NIBAN3: variants seen among roughly 807,000 people sequenced by gnomAD.
The protein encoded by NIBAN3 is niban apoptosis regulator 3, also known as protein Niban 3.
In NIBAN3, 66 loss-of-function variants were observed where a neutral mutation model predicts 76.4. The observed-to-expected ratio is 0.86, with a 90% CI of 0.71 to 1.06. NIBAN3 has a LOEUF of 1.06. Ranked by LOEUF, NIBAN3 falls within the 50% of genes least tolerant of loss-of-function variation. NIBAN3 has a pLI of 0.00. For missense variants in NIBAN3, 808 were observed against 810.7 expected (o/e 1.00, Z 0.04); for synonymous variants, 360 against 355.2 (o/e 1.01, Z -0.15).
At chr19:17,555,360 G>C (rs958494193), downstream of NIBAN3, among the ~76,000 whole-genome samples, 2 of 152,150 alleles carry the variant, frequency 1.3e-5, no homozygotes, top group African/African-American at 2.4e-5. Context: ...GCACAGCCCG[G>C]GTTTTATACA....
At chr19:17,531,770 G>A (rs1159086902) in intron 2 of NIBAN3, among the ~76,000 whole-genome samples, 1 of 152,148 alleles carries the variant, frequency 6.6e-6, no homozygotes, top group Non-Finnish European at 1.5e-5. Flanking sequence ...CTGACCTCAA[G>A]TGATCTCCCC....
chr19:17,527,373 G>A lies in NIBAN3; in HGVS notation c.33G>A (p.Lys11=), dbSNP rs1437772826. The A allele has an allele frequency of 6.5e-7, 1 of 1,530,318 alleles. No homozygotes were observed. The highest frequency in any genetic ancestry group is 8.8e-7 in the Non-Finnish European group (1 of 1,137,260). 94.8% of individuals were successfully genotyped at this position (1,530,318 alleles called of 1,614,324 possible). A position where few individuals can be genotyped will look rare whatever the true frequency, so the allele number is the denominator to read the frequency against. ...GGCGGCCTTCGAGCCCTCTGGACAA[G>A]CAGCAGCGGCAGCACCTAAGGGGTG... MGGRPSSPLD[K]QQRQHLRGQV... The change falls in exon 1 of 15, where the codon AAG becomes AAA. Residue 11 remains lysine (K), a synonymous_variant. Transcript: ENST00000599164.
At chr19:17,527,118 C>A, upstream of NIBAN3, 1 of 1,172,930 alleles carries the variant, frequency 8.5e-7, no homozygotes, top group Non-Finnish European at 1.2e-6. Context: ...CACAACCTAA[C>A]CCCGGGGCTG....
At chr19:17,555,514 C>A, downstream of NIBAN3, 1 of 357,298 alleles carries the variant, frequency 2.8e-6, no homozygotes, top group Non-Finnish European at 4.4e-6. Context: ...GGTGCGGGGG[C>A]GGGGCGTCCT....
chr19:17,523,552 C>A, upstream of NIBAN3: 1 of 1,092,786 alleles, frequency 9.2e-7, no homozygotes, highest in Non-Finnish European at 1.3e-6. Context: ...AGGCACGGGG[C>A]TGCGAAGTGA....
At chr19:17,551,262 C>CT (rs2076151046) in intron 14 of NIBAN3, among the ~76,000 whole-genome samples, 1 of 142,748 alleles carries the variant, frequency 7.0e-6, no homozygotes, top group African/African-American at 2.6e-5. Context: ...CGCCCGGCTA[C>CT]TTTTGTATTT....
intron 14 of NIBAN3, 115 bp from the exon 15 acceptor site, chr19:17,551,671 A>G (rs2076158755): frequency 1.7e-6 from 1 of 571,716 alleles, no homozygotes; most frequent in South Asian, 2.0e-5. Context: ...GATTACAGGC[A>G]TGAGCCATTG....
intron 10 of NIBAN3, among the ~76,000 whole-genome samples, chr19:17,543,035 G>A (rs1465797116): frequency 1.3e-5 from 2 of 152,314 alleles, no homozygotes; most frequent in East Asian, 3.9e-4. Flanking sequence ...AGTGGAGGAG[G>A]CTGAACTCTG....
chr19:17,532,697 G>A (rs1272004698), intron 3 of NIBAN3, among the ~76,000 whole-genome samples: 1 of 152,164 alleles, frequency 6.6e-6, no homozygotes, highest in African/African-American at 2.4e-5. Flanking sequence ...TGGGGAGCTT[G>A]GAGCGATCAC....
chr19:17,527,132 C>T, upstream of NIBAN3: 2 of 1,328,212 alleles, frequency 1.5e-6, no homozygotes, highest in East Asian at 2.6e-5. Context: ...GGGGCTGTCC[C>T]CGCAGCCTCT....
chr19:17,533,519 G>A, intron 3 of NIBAN3, 68 bp from the exon 4 acceptor site: 2 of 1,043,228 alleles, frequency 1.9e-6, no homozygotes, highest in East Asian at 2.4e-5. Flanking sequence ...TCCCTTGATG[G>A]TATAGTTGGG....
At position 17,549,490 on chromosome 19, in the gene NIBAN3, C is replaced by T. The variant is rs774722796; in HGVS notation, c.1713C>T (p.Asp571=). ...CCAATGATGTATCCTGCACTCTGGA[C>T]GGCTGCTTGGAGGTCCCATGGGAAC... is the stretch of plus-strand genomic sequence containing the variant. ...LGANDVSCTL[D]GCLEVPWEQE... is the part of the protein sequence containing the mutation. The change falls in exon 14 of 15, where the codon GAC becomes GAT. Residue 571 remains aspartate (D), a synonymous_variant. Transcript: ENST00000599164. 1.9e-6 allele frequency: 3 copies of T among 1,613,794 alleles called. No homozygotes were observed. The highest frequency in any genetic ancestry group is 3.3e-5 in the Admixed American group (2 of 59,978).
Position 17,542,072 on chromosome 19 carries a change from G to A in NIBAN3, c.1171-64G>A, listed in dbSNP as rs1387915688. On this transcript the variant is annotated intron_variant, in intron 9 of 14. Transcript: ENST00000599164. The surrounding 1 kb of genome is among the most constrained non-coding windows in gnomAD (Gnocchi z 4.8). ...TTCTCCTTTGGTGAATTGGTAATGGGGTCCCTGGCCCTTTGCAATCAGCTG... is the reference window on the plus strand; with the variant it reads ...TTCTCCTTTGGTGAATTGGTAATGGAGTCCCTGGCCCTTTGCAATCAGCTG... 6 of 1,581,282 alleles carry A rather than the reference G, an allele frequency of 3.8e-6. No homozygotes were observed. The African/African-American group carries it at 4.1e-5, about 11-fold the overall frequency.
intron 12 of NIBAN3, among the ~76,000 whole-genome samples, chr19:17,544,464 A>T: frequency 6.6e-6 from 1 of 151,744 alleles, no homozygotes. Context: ...CATGGGCATC[A>T]GTGGAGGGAG....
intron 13 of NIBAN3, 48 bp downstream of exon 13, chr19:17,546,845 T>C: frequency 6.4e-7 from 1 of 1,551,878 alleles, no homozygotes; most frequent in Non-Finnish European, 8.7e-7. Context: ...GTCCCTTGGC[T>C]GTATGTACCG....
Position 17,527,301 on chromosome 19 carries a change from C to T in NIBAN3, c.-40C>T, listed in dbSNP as rs144347016. On this transcript the variant is annotated 5_prime_UTR_variant, in exon 1 of 15. Coordinates refer to ENST00000599164, the MANE Select transcript of NIBAN3 (RefSeq NM_001321827.2). Reference sequence around the variant, plus strand: ...TGAGCCGAGGAACGCAGGCGGTGGTCGTGGGGAAGGGAAGAGGAGCCCCGG... The same window carrying T: ...TGAGCCGAGGAACGCAGGCGGTGGTTGTGGGGAAGGGAAGAGGAGCCCCGG... The T allele has an allele frequency of 1.3e-5, 20 of 1,550,258 alleles. No homozygotes were observed. The African/African-American group carries it at 1.4e-4, about 11-fold the overall frequency.
Position 17,532,256 on chromosome 19 carries a change from T to C in NIBAN3, c.187-7T>C, listed in dbSNP as rs12984143. On this transcript the variant is annotated splice_region_variant and splice_polypyrimidine_tract_variant and intron_variant, in intron 2 of 14. Transcript: ENST00000599164. Reference sequence around the variant, plus strand: ...CCCCTGACACCCACTGCTCCCTCTTTCTGCAGAAGCTGCCCCGAGTCCGTG... The same window carrying C: ...CCCCTGACACCCACTGCTCCCTCTTCCTGCAGAAGCTGCCCCGAGTCCGTG... 0.84 allele frequency: 1,347,776 copies of C among 1,603,218 alleles called. 570,954 individuals carry two copies. Among genetic ancestry groups the C allele is most frequent in the Middle Eastern group, 0.9 (5,395 of 5,990 alleles).
chr19:17,525,331 CTCCCTTCA>C (rs1353662128), upstream of NIBAN3, among the ~76,000 whole-genome samples: 1 of 143,684 alleles, frequency 7.0e-6, no homozygotes, highest in African/African-American at 2.7e-5. Context: ...CCCTCCGTCC[CTCCCTTCA>C]TTCATTCATT....
At chr19:17,545,998 C>T (rs2076047839) in intron 12 of NIBAN3, 1 of 435,988 alleles carries the variant, frequency 2.3e-6, no homozygotes, top group African/African-American at 2.0e-5. Context: ...AGACCACGGT[C>T]TGCCTGGCAA....
Sources: allele counts gnomAD v4.1 joint callset (sites outside exome capture counted in the v4.1 genomes callset), GRCh38; gene constraint gnomAD v4.1.1; non-coding constraint Gnocchi (gnomAD v3.1); transcripts MANE v1.5; gene names NCBI Gene and HGNC (gene_info 2026-07-23, HGNC 2026-07-21).